The following DOCK4 variants were observed in gnomAD, a reference collection of about 807,000 sequenced individuals.
The protein encoded by DOCK4 is dedicator of cytokinesis 4, also known as dedicator of cytokinesis protein 4.
In DOCK4, 97 loss-of-function variants were observed where a neutral mutation model predicts 268.1. The observed-to-expected ratio is 0.36, with a 90% CI of 0.31 to 0.43. The LOEUF is 0.43. Ranked by LOEUF, DOCK4 falls within the 20% of genes least tolerant of loss-of-function variation. The pLI is 1.00. For missense variants in DOCK4, 2,145 were observed against 2,455.7 expected (o/e 0.87, Z 2.67); for synonymous variants, 954 against 887.2 (o/e 1.08, Z -1.34).
intron 1 of DOCK4, among the ~76,000 whole-genome samples, chr7:112,194,316 T>C (rs903577266): frequency 2.0e-5 from 3 of 152,154 alleles, no homozygotes; most frequent in Non-Finnish European, 4.4e-5. Context: ...TAAGCAAACA[T>C]TTCATGGAGA....
At chr7:112,134,219 T>C (rs1028836375) in intron 1 of DOCK4, among the ~76,000 whole-genome samples, 2 of 152,046 alleles carry the variant, frequency 1.3e-5, no homozygotes, top group Non-Finnish European at 2.9e-5. Context: ...TTCACTACAA[T>C]AGCAACACTC....
chr7:112,001,885 TC>T (rs1447181722), intron 2 of DOCK4, among the ~76,000 whole-genome samples: 2 of 152,178 alleles, frequency 1.3e-5, no homozygotes, highest in East Asian at 3.9e-4. Flanking sequence ...GGATTTAAGC[TC>T]CCAGCAATTC....
intron 23 of DOCK4, among the ~76,000 whole-genome samples, chr7:111,849,348 T>C (rs1006477992): frequency 2.0e-5 from 3 of 151,132 alleles, no homozygotes; most frequent in Admixed American, 2.0e-4. Context: ...CTGCAACCTC[T>C]GCCTCCCGGG....
chr7:111,758,741 C>T lies in DOCK4; in HGVS notation c.4212G>A (p.Leu1404=). Residue 1404 remains leucine (L), a synonymous_variant, in exon 41 of 53, where the codon CTG becomes CTA. Coordinates refer to ENST00000428084, the MANE Select transcript of DOCK4 (RefSeq NM_001363540.2). ...VTPIPESQEV[L]QREGVPDNIK... Reference sequence around the variant, plus strand: ...TGTTGTCCGGAACACCCTCTCTCTGCAGGACCTCCTGGCTCTCTGGAATGG... The same window carrying T: ...TGTTGTCCGGAACACCCTCTCTCTGTAGGACCTCCTGGCTCTCTGGAATGG... The T allele has an allele frequency of 6.2e-7, 1 of 1,613,984 alleles. No homozygotes were observed. Among genetic ancestry groups the T allele is most frequent in the Non-Finnish European group, 8.5e-7 (1 of 1,179,884 alleles).
At position 111,808,736 on chromosome 7, in the gene DOCK4, T is replaced by G. The variant is rs780723280; in HGVS notation, c.3166+85A>C. 2.2e-6 allele frequency: 3 copies of G among 1,392,478 alleles called. No homozygotes were observed. In the Admixed American group the frequency reaches 6.1e-5, roughly 28 times the overall value. The allele number at this position is 1,392,478 out of a possible 1,614,324, so 86.3% of individuals were successfully genotyped here. A position where few individuals can be genotyped will look rare whatever the true frequency, so the allele number is the denominator to read the frequency against. ...GACATTTGGTTTCACATGGTGTCAC[T>G]GGTAAATTGCCTTTCTTCATTTGTA... is the stretch of plus-strand genomic sequence containing the variant. On this transcript the variant is annotated intron_variant, in intron 30 of 52. Transcript: ENST00000428084.
At chr7:111,928,373 A>G (rs939970210) in intron 12 of DOCK4, among the ~76,000 whole-genome samples, 1 of 152,210 alleles carries the variant, frequency 6.6e-6, no homozygotes, top group Admixed American at 6.5e-5. Context: ...CATTTAGAAA[A>G]TGAAATCAAG....
At chr7:111,865,405 C>T (rs184533211) in intron 22 of DOCK4, among the ~76,000 whole-genome samples, 3 of 152,324 alleles carry the variant, frequency 2.0e-5, no homozygotes, top group East Asian at 1.9e-4. Context: ...GTGATGGCCT[C>T]TAGAAGACAG....
chr7:112,158,239 G>A (rs1033341150), intron 1 of DOCK4, among the ~76,000 whole-genome samples: 1 of 152,134 alleles, frequency 6.6e-6, no homozygotes, highest in African/African-American at 2.4e-5. Flanking sequence ...CTAGGGTGAT[G>A]CCCAAGTTTC....
At chr7:112,025,341 C>G (rs1181445301) in intron 1 of DOCK4, among the ~76,000 whole-genome samples, 1 of 152,148 alleles carries the variant, frequency 6.6e-6, no homozygotes, top group African/African-American at 2.4e-5. Flanking sequence ...TGGATGAGGA[C>G]AAGGAATACA....
Position 111,742,150 on chromosome 7 carries a change from G to A in DOCK4, c.4678-18C>T, listed in dbSNP as rs2133443313. 1.9e-6 allele frequency: 3 copies of A among 1,560,272 alleles called. No individual in the cohort carries two copies. Among genetic ancestry groups the A allele is most frequent in the Non-Finnish European group, 2.6e-6 (3 of 1,156,064 alleles). On this transcript the variant is annotated intron_variant, in intron 44 of 52. Coordinates refer to ENST00000428084, the MANE Select transcript of DOCK4 (RefSeq NM_001363540.2). ...ATCTGTGCCTTAATTCACAACATAAGGAAAAAACCTCACATCAATGACTAC... is the reference window on the plus strand; with the variant it reads ...ATCTGTGCCTTAATTCACAACATAAAGAAAAAACCTCACATCAATGACTAC...
intron 27 of DOCK4, among the ~76,000 whole-genome samples, chr7:111,814,812 G>A (rs752576538): frequency 2.0e-5 from 3 of 152,180 alleles, no homozygotes; most frequent in African/African-American, 4.8e-5. Flanking sequence ...AAGAGGCACA[G>A]GGCATTGGGC....
rs556845387 is a variant in DOCK4, at chr7:112,022,408, C to T, written c.38-18277G>A. ...GGTGGTACAGGAGAGGGTTCCGCCC[C>T]TGACCAGCTGATGGCTGTCCCAGCT... On this transcript the variant is annotated intron_variant, in intron 1 of 52. Coordinates refer to ENST00000428084, the MANE Select transcript of DOCK4 (RefSeq NM_001363540.2). 5.9e-5 allele frequency among the ~76,000 whole-genome samples: 9 copies of T among 152,328 alleles called. No homozygotes were observed. The East Asian group carries it at 1.5e-3, about 26-fold the overall frequency.
intron 42 of DOCK4, among the ~76,000 whole-genome samples, chr7:111,751,200 C>T (rs1020790385): frequency 6.6e-6 from 1 of 152,110 alleles, no homozygotes; most frequent in Non-Finnish European, 1.5e-5. Flanking sequence ...GTTCTAACTA[C>T]CAATTTACAA....
intron 1 of DOCK4, among the ~76,000 whole-genome samples, chr7:112,052,393 T>C (rs546337655): frequency 6.6e-6 from 1 of 152,306 alleles, no homozygotes; most frequent in East Asian, 1.9e-4. Context: ...TCTATAGATA[T>C]AAGTAATGTT....
chr7:111,809,459 A>C (rs1370571064), intron 28 of DOCK4, 58 bp from the exon 29 acceptor site: 1 of 1,408,052 alleles, frequency 7.1e-7, no homozygotes, highest in Admixed American at 2.0e-5. Flanking sequence ...TGACAGGTGA[A>C]GTGACATAGT....
chr7:111,758,700 T>A lies in DOCK4; in HGVS notation c.4253A>T (p.Lys1418Ile), dbSNP rs1361086562. ...GVPDNIKSFY[K>I]VNHIWKFRYD... is the part of the protein sequence containing the mutation. ...GCGGAATTTCCAGATGTGATTCACT[T>A]TATAGAAGCTTTTGATGTTGTCCGG... Residue 1418 changes from lysine to isoleucine, a missense_variant, in exon 41 of 53, where the codon AAA becomes ATA. Physicochemically the swap from Lys to Ile is moderately radical, Grantham distance 102 (BLOSUM62 -3). This residue lies in a region of DOCK4 where 1,598 missense variants were observed against 1,986.7 expected (regional missense o/e 0.80). Transcript: ENST00000428084. The A allele has an allele frequency of 1.9e-6, 3 of 1,613,894 alleles. No individual in the cohort carries two copies. The highest frequency in any genetic ancestry group is 2.5e-6 in the Non-Finnish European group (3 of 1,179,904).
intron 23 of DOCK4, among the ~76,000 whole-genome samples, chr7:111,853,814 C>G (rs556472925): frequency 1.2e-4 from 18 of 152,336 alleles, no homozygotes; most frequent in Admixed American, 3.3e-4. Flanking sequence ...CATAGCCACC[C>G]TGCCACACAC....
intron 8 of DOCK4, among the ~76,000 whole-genome samples, chr7:111,949,598 C>T (rs1268503285): frequency 2.0e-5 from 3 of 150,248 alleles, no homozygotes; most frequent in Non-Finnish European, 3.0e-5. Context: ...AGAAATAAGT[C>T]ATGTACAGTT....
chr7:112,049,315 T>C (rs1350236790), intron 1 of DOCK4, among the ~76,000 whole-genome samples: 3 of 152,274 alleles, frequency 2.0e-5, no homozygotes, highest in Admixed American at 2.0e-4. Context: ...AATGGTGTAA[T>C]ATCACTTGAA....
Sources: gnomAD v4.1 joint callset for allele counts (sites outside exome capture counted in the v4.1 genomes callset) on GRCh38, gnomAD v4.1.1 for gene constraint, gnomAD v4.1.1 regional missense constraint, MANE v1.5 for transcripts, NCBI Gene and HGNC (gene_info 2026-07-23, HGNC 2026-07-21) for gene names.